Variants in SSC5D observed in about 807,000 individuals in gnomAD.
SSC5D encodes scavenger receptor cysteine rich family member with 5 domains, also known as soluble scavenger receptor cysteine-rich domain-containing protein SSC5D.
SSC5D carries 106 observed loss-of-function variants against 104.6 expected under a neutral mutation model. The ratio of observed to expected loss-of-function variants is 1.01; its 90% CI spans 0.87 to 1.19. The LOEUF (loss-of-function observed/expected upper bound fraction) is 1.19, where lower values mean the gene tolerates loss of function less well. Among genes scored for constraint, SSC5D ranks in the 50% most tolerant of loss-of-function variants. The probability of loss-of-function intolerance (pLI) is 0.00; values close to 1 mark genes in which losing one functional copy is unlikely to be tolerated. For synonymous variants in SSC5D, 860 were observed against 883.5 expected, an observed-to-expected ratio of 0.97 and a Z score of 0.47; for missense variants, 1,993 against 2,153.8, an observed-to-expected ratio of 0.93 and a Z score of 1.48.
chr19:55,493,987 CG>C, intron 7 of SSC5D, 75 bp downstream of exon 7: 1 of 206,422 alleles, frequency 4.8e-6, no homozygotes, highest in African/African-American at 4.5e-5. Flanking sequence ...TCGGCGGGGG[CG>C]GGGGGGTCCC....
intron 12 of SSC5D, among the ~76,000 whole-genome samples, chr19:55,509,307 C>T (rs1987701550): frequency 6.6e-6 from 1 of 152,170 alleles, no homozygotes; most frequent in South Asian, 2.1e-4. Context: ...CTTAGTGGGG[C>T]AGGTTCGCAG....
In SSC5D at chr19:55,491,002, G is replaced by A. The variant is rs911305432; in HGVS notation, c.817G>A (p.Ala273Thr). The change falls in exon 6 of 14, where the codon GCC becomes ACC. Residue 273 changes from alanine to threonine, a missense_variant. Coordinates refer to ENST00000389623, the MANE Select transcript of SSC5D (RefSeq NM_001144950.2). ...TGTGGGGTGTGGAGGAGGAGAACAG[G>A]CCCTCCGAGACTGCCCCCGAAGCCC... ...DDVGCGGGEQ[A>T]LRDCPRSPWG... The A allele has an allele frequency of 1.2e-5, 18 of 1,549,700 alleles. No homozygotes were observed. The East Asian group carries it at 4.2e-4, about 36-fold the overall frequency.
chr19:55,500,720 G>A lies in SSC5D; in HGVS notation c.2533G>A (p.Glu845Lys), dbSNP rs1447466792. Residue 845 changes from glutamate to lysine, a missense_variant, in exon 11 of 14, where the codon GAG becomes AAG. Glu to Lys is a moderately conservative substitution (Grantham distance 56). Coordinates refer to ENST00000389623, the MANE Select transcript of SSC5D (RefSeq NM_001144950.2). The surrounding 1 kb of genome is among the most constrained non-coding windows in gnomAD (Gnocchi z 4.6). ...WLDDMGCKGS[E>K]ASLSDCPSGA... ...GGATGACATGGGCTGTAAGGGAAGC[G>A]AGGCCTCACTGAGCGACTGCCCCTC... 11 of 1,551,560 alleles carry A rather than the reference G, an allele frequency of 7.1e-6. No homozygotes were observed. The African/African-American group carries it at 8.2e-5, about 12-fold the overall frequency.
intron 13 of SSC5D, among the ~76,000 whole-genome samples, chr19:55,514,662 T>G (rs1987832755): frequency 6.6e-6 from 1 of 151,130 alleles, no homozygotes; most frequent in Admixed American, 6.6e-5. Flanking sequence ...GAAGGAAATC[T>G]GCATGAGCTC....
intron 12 of SSC5D, among the ~76,000 whole-genome samples, chr19:55,502,703 T>C (rs111809030): frequency 1.6e-4 from 25 of 152,328 alleles, no homozygotes; most frequent in African/African-American, 6.0e-4. Flanking sequence ...TTGCCCAGGC[T>C]GAAGTGCAGT....
rs1156650263 is a variant in SSC5D, at chr19:55,517,494, C to T, written c.3218C>T (p.Thr1073Ile). Residue 1073 changes from threonine to isoleucine, a missense_variant, in exon 14 of 14, where the codon ACC (threonine) becomes ATC (isoleucine). Thr to Ile is a moderately conservative substitution (Grantham distance 89). Coordinates refer to ENST00000389623, the MANE Select transcript of SSC5D (RefSeq NM_001144950.2). ...ACAAGCCCTGACTTTGCTTTGTCCA[C>T]CCCTGACTCCAGTGTGGTTCCCGCG... Reference protein sequence around the residue: ...ILTSPDFALSTPDSSVVPALT... With the variant: ...ILTSPDFALSIPDSSVVPALT... 2 of 1,551,270 alleles carry T rather than the reference C, an allele frequency of 1.3e-6. No individual in the cohort carries two copies. The highest frequency in any genetic ancestry group is 1.4e-5 in the African/African-American group (1 of 72,908).
rs1376063315 is a variant in SSC5D, at chr19:55,490,954, G to T, written c.769G>T (p.Ala257Ser). The T allele has an allele frequency of 7.1e-6, 11 of 1,546,402 alleles. No individual in the cohort carries two copies. The highest frequency in any genetic ancestry group is 9.6e-6 in the Non-Finnish European group (11 of 1,144,856). The change falls in exon 6 of 14, where the codon GCA becomes TCA. Residue 257 changes from alanine (A) to serine (S), a missense_variant. This residue lies in a region of SSC5D where 1,101 missense variants were observed against 1,085.0 expected (regional missense o/e 1.01). Transcript: ENST00000389623. ...CGGCGGTGCCAGATTCGGGCCTGGT[G>T]CAGGGCCCGTGTGGATGGACGATGT... is the stretch of plus-strand genomic sequence containing the variant. ...APGGARFGPG[A>S]GPVWMDDVGC...
At chr19:55,494,393 G>A (rs1987251301) in intron 7 of SSC5D, among the ~76,000 whole-genome samples, 1 of 152,010 alleles carries the variant, frequency 6.6e-6, no homozygotes, top group Non-Finnish European at 1.5e-5. Flanking sequence ...AAGCTACCAT[G>A]CCCTCTGCTC....
In SSC5D at chr19:55,518,934, G is replaced by C; in HGVS notation, c.4658G>C (p.Ser1553Thr). The change falls in exon 14 of 14, where the codon AGC becomes ACC. Residue 1553 changes from serine (S) to threonine (T), a missense_variant. Transcript: ENST00000389623. ...KRLAEMAWTT[S>T]MPAPTTTTPE... ...CTGGCAGAGATGGCCTGGACCACCAGCATGCCTGCACCAACCACCACTACC... is the reference window on the plus strand; with the variant it reads ...CTGGCAGAGATGGCCTGGACCACCACCATGCCTGCACCAACCACCACTACC... The C allele has an allele frequency of 6.4e-7, 1 of 1,550,410 alleles. No homozygotes were observed. The highest frequency in any genetic ancestry group is 1.2e-5 in the South Asian group (1 of 84,070).
intron 8 of SSC5D, among the ~76,000 whole-genome samples, chr19:55,496,810 G>A (rs1233094227): frequency 1.3e-5 from 2 of 150,642 alleles, no homozygotes; most frequent in African/African-American, 4.9e-5. Flanking sequence ...GAGTGCAGTG[G>A]CACGATCTTG....
At chr19:55,509,240 C>T (rs547721397) in intron 12 of SSC5D, among the ~76,000 whole-genome samples, 28 of 152,294 alleles carry the variant, frequency 1.8e-4, no homozygotes, top group African/African-American at 6.0e-4. Flanking sequence ...GCAAAAATGA[C>T]ACCGTCTGGC....
Position 55,490,202 on chromosome 19 carries a change from C to T in SSC5D, c.476-96C>T, listed in dbSNP as rs546017377. ...CTCCTTCATAGCCTAGGGAGTCCTC[C>T]ATCACTTCAGACCCTCAGAGACGGA... On this transcript the variant is annotated intron_variant, in intron 4 of 13. Coordinates refer to ENST00000389623, the MANE Select transcript of SSC5D (RefSeq NM_001144950.2). The T allele has an allele frequency of 1.7e-3, 1,059 of 627,536 alleles. 4 individuals are homozygous for T. The highest frequency in any genetic ancestry group is 2.6e-3 in the Non-Finnish European group (897 of 345,804). The allele number at this position is 627,536 out of a possible 1,614,324, so 38.9% of individuals were successfully genotyped here.
rs773224064 is a variant in SSC5D at position 55,500,254 on chromosome 19, T to A, written c.2144T>A (p.Met715Lys). 17 of 1,549,116 alleles carry A rather than the reference T, an allele frequency of 1.1e-5. No homozygotes were observed. In the South Asian group the frequency reaches 2.0e-4, roughly 18 times the overall value. ...GAACGGACCACTAAGACCATGGCAA[T>A]GCTGACCACTCAAGGCCCCCAAGAA... ...PRERTTKTMA[M>K]LTTQGPQEMT... Residue 715 changes from methionine to lysine, a missense_variant, in exon 10 of 14, where the codon ATG (methionine) becomes AAG (lysine). Met to Lys is a moderately conservative substitution (Grantham distance 95). This residue lies in a region of SSC5D where 1,101 missense variants were observed against 1,085.0 expected (regional missense o/e 1.01). Coordinates refer to ENST00000389623, the MANE Select transcript of SSC5D (RefSeq NM_001144950.2). This position sits in a 1 kb window ranked among gnomAD's most constrained non-coding sequence, Gnocchi z 4.6.
intron 7 of SSC5D, 95 bp from the exon 8 acceptor site, chr19:55,494,515 G>A: frequency 1.5e-6 from 2 of 1,335,884 alleles, no homozygotes; most frequent in Non-Finnish European, 2.0e-6. Flanking sequence ...GCGTGCAGCT[G>A]AGAGGACTGA....
rs200975943 is a variant in SSC5D, at chr19:55,518,296, C to T, written c.4020C>T (p.Ser1340=). Residue 1340 remains serine (S), a synonymous_variant, in exon 14 of 14, where the codon TCC becomes TCT. Coordinates refer to ENST00000389623, the MANE Select transcript of SSC5D (RefSeq NM_001144950.2). ...PSSTPVITTV[S]LPTSLGTELS... ...CAACCCCTGTCATCACTACTGTGTC[C>T]CTTCCAACCTCCTTGGGGACAGAAC... The T allele has an allele frequency of 2.6e-6, 4 of 1,551,048 alleles. No individual in the cohort carries two copies. The highest frequency in any genetic ancestry group is 3.9e-5 in the Admixed American group (2 of 50,944).
intron 12 of SSC5D, among the ~76,000 whole-genome samples, chr19:55,508,889 G>T (rs1318410534): frequency 1.3e-5 from 1 of 77,794 alleles, no homozygotes; most frequent in Non-Finnish European, 2.6e-5. Flanking sequence ...CACAGGGGAT[G>T]GGGGGAGGCC....
intron 12 of SSC5D, among the ~76,000 whole-genome samples, chr19:55,507,946 G>A (rs1455017133): frequency 2.6e-5 from 4 of 152,094 alleles, no homozygotes; most frequent in African/African-American, 9.7e-5. Context: ...CAAGGGAGAT[G>A]TGGATGTATT....
chr19:55,516,596 A>G (rs1987877478), intron 13 of SSC5D, among the ~76,000 whole-genome samples: 1 of 151,378 alleles, frequency 6.6e-6, no homozygotes, highest in African/African-American at 2.4e-5. Flanking sequence ...TAAAATGTTA[A>G]CTTTGGTTAA....
intron 5 of SSC5D, 89 bp downstream of exon 5, chr19:55,490,497 C>T: frequency 1.6e-6 from 1 of 622,212 alleles, no homozygotes. Context: ...GGCGCCCTCT[C>T]CTTAGCCGGG....
Sources: allele counts gnomAD v4.1 joint callset (sites outside exome capture counted in the v4.1 genomes callset), GRCh38; gene constraint gnomAD v4.1.1; regional missense constraint gnomAD v4.1.1; non-coding constraint Gnocchi (gnomAD v3.1); transcripts MANE v1.5; gene names NCBI Gene and HGNC (gene_info 2026-07-23, HGNC 2026-07-21).